GPSM2: variants seen among roughly 807,000 people sequenced by gnomAD.
GPSM2 encodes G protein-signaling modulator 2.
A neutral mutation model predicts 78.4 loss-of-function variants in GPSM2; 58 were observed. That is an observed-to-expected ratio of 0.74 (90% confidence interval 0.60 to 0.92). GPSM2 has a LOEUF of 0.92. Among genes scored for constraint, GPSM2 ranks in the 40% least tolerant of loss-of-function variants. The pLI, the probability that GPSM2 is intolerant of heterozygous loss-of-function variation, is 0.00. For synonymous variants in GPSM2, 224 were observed against 280.2 expected (o/e 0.80, Z 2.00); for missense variants, 700 against 815.5 (o/e 0.86, Z 1.73).
chr1:108,892,326 A>C (rs1265025140), intron 2 of GPSM2, among the ~76,000 whole-genome samples: 2 of 152,216 alleles, frequency 1.3e-5, no homozygotes, highest in Non-Finnish European at 2.9e-5. Context: ...TGAACACGAA[A>C]CAAATTTAAG....
At chr1:108,920,622 C>A (rs80205445) in intron 12 of GPSM2, among the ~76,000 whole-genome samples, 1 of 152,120 alleles carries the variant, frequency 6.6e-6, no homozygotes, top group South Asian at 2.1e-4. Context: ...TCTTTCCCCC[C>A]AGTCTGTGGT....
intron 1 of GPSM2, among the ~76,000 whole-genome samples, chr1:108,878,433 T>TCTCTGG (rs1665738580): frequency 6.6e-6 from 1 of 152,072 alleles, no homozygotes; most frequent in African/African-American, 2.4e-5. Flanking sequence ...TCCAAAATCC[T>TCTCTGG]CTCTGGCCAG....
chr1:108,929,298 G>C (rs12565372), intron 14 of GPSM2, among the ~76,000 whole-genome samples: 32,062 of 152,084 alleles, frequency 0.21, 3,832 homozygotes, highest in East Asian at 0.33. Flanking sequence ...CATGGGGTTT[G>C]TACATATTTC....
intron 2 of GPSM2, among the ~76,000 whole-genome samples, chr1:108,887,043 C>G (rs559092843): frequency 5.3e-5 from 8 of 151,972 alleles, no homozygotes; most frequent in Admixed American, 1.3e-4. Context: ...TGTGTCACCA[C>G]GCCCAGCTAA....
chr1:108,885,490 AATTTT>A lies in GPSM2; in HGVS notation c.-24_-20del, dbSNP rs763103810. ...GGACTGGATTGGCACAAAATAAAAT[AATTTT>A]ATTTTATTCAGCTTATAATATGACT... is the stretch of plus-strand genomic sequence containing the variant. On this transcript the variant is annotated 5_prime_UTR_variant, in exon 2 of 15. Coordinates refer to ENST00000264126, the MANE Select transcript of GPSM2 (RefSeq NM_013296.5). 4.1e-6 allele frequency: 5 copies of A among 1,213,488 alleles called. No homozygotes were observed. Among genetic ancestry groups the A allele is most frequent in the African/African-American group, 1.5e-5 (1 of 67,084 alleles). 75.2% of individuals were successfully genotyped at this position (1,213,488 alleles called of 1,614,324 possible). A position where few individuals can be genotyped will look rare whatever the true frequency, so the allele number is the denominator to read the frequency against.
chr1:108,898,605 C>A, intron 5 of GPSM2, 37 bp from the exon 6 acceptor site: 6 of 1,608,014 alleles, frequency 3.7e-6, no homozygotes, highest in South Asian at 1.1e-5. Flanking sequence ...AATTGTTCTG[C>A]AAACTTATTT....
intron 11 of GPSM2, among the ~76,000 whole-genome samples, chr1:108,917,670 G>T (rs1410323057): frequency 4.1e-5 from 2 of 48,482 alleles, no homozygotes; most frequent in African/African-American, 6.2e-5. Flanking sequence ...ATATATAAAT[G>T]AGTTCTCACT....
intron 12 of GPSM2, among the ~76,000 whole-genome samples, chr1:108,921,825 G>T (rs903778851): frequency 3.9e-5 from 6 of 151,998 alleles, no homozygotes; most frequent in African/African-American, 1.5e-4. Context: ...TAACATTTTT[G>T]TATATGTGCC....
intron 11 of GPSM2, among the ~76,000 whole-genome samples, chr1:108,915,075 G>A (rs904605566): frequency 4.6e-5 from 7 of 151,974 alleles, no homozygotes; most frequent in African/African-American, 1.7e-4. Flanking sequence ...TAATTACATT[G>A]TCAAAATAGG....
At chr1:108,908,904 T>C (rs1043677879) in intron 10 of GPSM2, among the ~76,000 whole-genome samples, 3 of 149,738 alleles carry the variant, frequency 2.0e-5, no homozygotes, top group African/African-American at 7.4e-5. Flanking sequence ...CTCGGGAAGC[T>C]GAGGTGGGAG....
At chr1:108,895,389 G>T (rs571935721) in intron 2 of GPSM2, among the ~76,000 whole-genome samples, 1 of 152,028 alleles carries the variant, frequency 6.6e-6, no homozygotes, top group Admixed American at 6.5e-5. Flanking sequence ...CTCACTTTTA[G>T]ATTTTAATAA....
chr1:108,886,925 C>T (rs1292555951), intron 2 of GPSM2, among the ~76,000 whole-genome samples: 3 of 150,866 alleles, frequency 2.0e-5, no homozygotes, highest in South Asian at 2.1e-4. Flanking sequence ...CTCACTCTGA[C>T]GCCCAGGCTG....
Position 108,933,063 on chromosome 1 carries a change from A to G in GPSM2, c.*3123A>G, listed in dbSNP as rs1202358089. The G allele has an allele frequency of 6.6e-6, 1 of 152,152 alleles. No individual in the cohort carries two copies. The highest frequency in any genetic ancestry group is 2.4e-5 in the African/African-American group (1 of 41,418). The allele number at this position is 152,152 out of a possible 1,614,324, so 9.4% of individuals were successfully genotyped here. On this transcript the variant is annotated 3_prime_UTR_variant, in exon 15 of 15. Coordinates refer to ENST00000264126, the MANE Select transcript of GPSM2 (RefSeq NM_013296.5). The stretch of plus-strand genomic sequence containing the variant: ...GCCTGGCTAGTTTTATTTTTAGTAC[A>G]TAGCCTTGAACAACTGAGCTTAAGC...
At position 108,934,491 on chromosome 1, in the gene GPSM2, A is replaced by G. The variant is rs1040377311; in HGVS notation, c.*4551A>G. The G allele has an allele frequency of 1.1e-5, 7 of 653,944 alleles. No homozygotes were observed. Among genetic ancestry groups the G allele is most frequent in the African/African-American group, 5.4e-5 (3 of 55,164 alleles). The allele number at this position is 653,944 out of a possible 1,614,324, so 40.5% of individuals were successfully genotyped here. ...GATGAAATGAAAAGCTTTTACATAT[A>G]TAACGTGTTTGTTAATTCTAATTGT... On this transcript the variant is annotated 3_prime_UTR_variant, in exon 15 of 15. Transcript: ENST00000264126.
intron 11 of GPSM2, among the ~76,000 whole-genome samples, chr1:108,915,816 CTG>C (rs1570939633): frequency 1.3e-5 from 2 of 152,284 alleles, no homozygotes; most frequent in East Asian, 3.9e-4. Flanking sequence ...TTTAGAAAAT[CTG>C]AACACAGAAA....
chr1:108,926,690 AAACTTAAAAATT>A (rs1233676544), intron 14 of GPSM2: 1 of 152,236 alleles, frequency 6.6e-6, no homozygotes, highest in Non-Finnish European at 1.5e-5. Context: ...TTCATGATAA[AAACTTAAAAATT>A]AGCAACAGTA....
chr1:108,904,550 A>C (rs1649084998), intron 10 of GPSM2, among the ~76,000 whole-genome samples: 1 of 151,240 alleles, frequency 6.6e-6, no homozygotes, highest in Non-Finnish European at 1.5e-5. Context: ...AAATACATTT[A>C]AATTCTCTAT....
chr1:108,915,368 CA>C (rs778325980), intron 11 of GPSM2, among the ~76,000 whole-genome samples: 4,948 of 91,144 alleles, frequency 0.054, 269 homozygotes, highest in African/African-American at 0.15. Context: ...AGACTTGTCT[CA>C]AAAAAAAAAA....
rs1001204243 is a variant in GPSM2, at chr1:108,931,586, T to C, written c.*1646T>C. The C allele has an allele frequency of 6.5e-5, 93 of 1,421,186 alleles. No homozygotes were observed. Among genetic ancestry groups the C allele is most frequent in the Non-Finnish European group, 8.5e-5 (91 of 1,076,444 alleles). The allele number at this position is 1,421,186 out of a possible 1,614,324, so 88.0% of individuals were successfully genotyped here. ...CTATTTCTCTAATGGCCAATGTTTT[T>C]TAAGAGTCATAACCTGGAATTAATT... On this transcript the variant is annotated 3_prime_UTR_variant, in exon 15 of 15. Transcript: ENST00000264126.
Sources: gnomAD v4.1 joint callset for allele counts (sites outside exome capture counted in the v4.1 genomes callset) on GRCh38, gnomAD v4.1.1 for gene constraint, MANE v1.5 for transcripts, NCBI Gene and HGNC (gene_info 2026-07-23, HGNC 2026-07-21) for gene names.